Variants in GSAP observed in about 807,000 individuals in gnomAD.
GSAP encodes gamma-secretase-activating protein.
A neutral mutation model predicts 131.7 loss-of-function variants in GSAP; 118 were observed. The ratio of observed to expected loss-of-function variants is 0.90; its 90% confidence interval spans 0.77 to 1.04. The LOEUF is 1.04. Ranked by LOEUF, GSAP falls within the 50% of genes least tolerant of loss-of-function variation. The probability of loss-of-function intolerance (pLI) is 0.00; values close to 1 mark genes in which losing one functional copy is unlikely to be tolerated. For missense variants in GSAP, 1,019 were observed against 1,013.2 expected, an observed-to-expected ratio of 1.01 and a Z score of -0.08; for synonymous variants, 381 against 363.4, an observed-to-expected ratio of 1.05 and a Z score of -0.55.
At chr7:77,388,536 T>C (rs546835952) in intron 5 of GSAP, among the ~76,000 whole-genome samples, 82 of 152,242 alleles carry the variant, frequency 5.4e-4, no homozygotes, top group African/African-American at 1.9e-3. Context: ...ACCAAAGATA[T>C]CTAAATTTAG....
chr7:77,409,563 T>C (rs932565158), intron 1 of GSAP, among the ~76,000 whole-genome samples: 2 of 152,196 alleles, frequency 1.3e-5, no homozygotes, highest in Non-Finnish European at 2.9e-5. Context: ...TACTCAAAAG[T>C]CCTTTGAAAG....
At chr7:77,391,841 A>C (rs1799599432) in intron 5 of GSAP, among the ~76,000 whole-genome samples, 1 of 152,156 alleles carries the variant, frequency 6.6e-6, no homozygotes. Flanking sequence ...TCTCAAAAAT[A>C]ATCAGAATAA....
chr7:77,377,837 C>T (rs1192181004), intron 8 of GSAP, among the ~76,000 whole-genome samples: 1 of 152,220 alleles, frequency 6.6e-6, no homozygotes, highest in Non-Finnish European at 1.5e-5. Flanking sequence ...TAGGCAATGA[C>T]CCCAATTTGG....
intron 10 of GSAP, among the ~76,000 whole-genome samples, chr7:77,375,398 A>G (rs943044162): frequency 6.6e-6 from 1 of 152,374 alleles, no homozygotes. Flanking sequence ...CAATAGGCCA[A>G]TTGGAAGCAA....
chr7:77,332,943 C>A (rs1416657963), intron 19 of GSAP, among the ~76,000 whole-genome samples: 2 of 152,066 alleles, frequency 1.3e-5, no homozygotes, highest in Admixed American at 1.3e-4. Flanking sequence ...CAGAGGCAGG[C>A]GGATCACAAG....
At chr7:77,372,829 C>T (rs1796338187) in intron 12 of GSAP, among the ~76,000 whole-genome samples, 1 of 152,216 alleles carries the variant, frequency 6.6e-6, no homozygotes, top group African/African-American at 2.4e-5. Flanking sequence ...TAGCCTGGCC[C>T]CTGCCTGCCT....
At chr7:77,414,156 A>G (rs1210757836) in intron 1 of GSAP, among the ~76,000 whole-genome samples, 1 of 152,246 alleles carries the variant, frequency 6.6e-6, no homozygotes, top group Non-Finnish European at 1.5e-5. Context: ...GAAAACTTCA[A>G]TTGTATTTGT....
In GSAP at chr7:77,330,292, G is replaced by C; in HGVS notation, c.1621C>G (p.His541Asp). ...EYVKYAKPHF[H>D]YNNSVVRREW... Reference sequence around the variant, plus strand: ...CTCCTGACCACACTGTTGTTATAGTGGAAGTGTGGCTTGGCGTACTTAACA... The same window carrying C: ...CTCCTGACCACACTGTTGTTATAGTCGAAGTGTGGCTTGGCGTACTTAACA... The change falls in exon 20 of 31, where the codon CAC (histidine) becomes GAC (aspartate). Residue 541 changes from histidine (H) to aspartate (D), a missense_variant. By Grantham distance (81) the His-to-Asp change is moderately conservative (BLOSUM62 -1). Coordinates refer to ENST00000257626, the MANE Select transcript of GSAP (RefSeq NM_017439.4). The C allele has an allele frequency of 6.2e-7, 1 of 1,613,738 alleles. No individual in the cohort carries two copies. Among genetic ancestry groups the C allele is most frequent in the Non-Finnish European group, 8.5e-7 (1 of 1,179,690 alleles).
Position 77,375,005 on chromosome 7 carries a change from C to A in GSAP, c.785+53G>T. 3.6e-6 allele frequency: 3 copies of A among 822,600 alleles called. No homozygotes were observed. The South Asian group carries it at 4.5e-5, about 12-fold the overall frequency. The allele number at this position is 822,600 out of a possible 1,614,324, so 51.0% of individuals were successfully genotyped here. A position where few individuals can be genotyped will look rare whatever the true frequency, so the allele number is the denominator to read the frequency against. On this transcript the variant is annotated intron_variant, in intron 11 of 30. Transcript: ENST00000257626. The stretch of plus-strand genomic sequence containing the variant: ...AATATAATGTACGAATAAATATAAT[C>A]ATTTTGCCCACAAGTATCTATAAAA...
intron 1 of GSAP, among the ~76,000 whole-genome samples, chr7:77,412,003 ACT>A (rs1042900125): frequency 1.3e-5 from 2 of 152,146 alleles, no homozygotes; most frequent in African/African-American, 2.4e-5. Flanking sequence ...ATATGGTGAA[ACT>A]CTGTCTCTAC....
chr7:77,388,392 T>C (rs1054003104), intron 5 of GSAP, among the ~76,000 whole-genome samples: 1 of 152,254 alleles, frequency 6.6e-6, no homozygotes, highest in Non-Finnish European at 1.5e-5. Flanking sequence ...GGACACAGGC[T>C]GGGTTTCCCT....
chr7:77,321,706 G>A (rs1787668675), intron 24 of GSAP, among the ~76,000 whole-genome samples: 1 of 152,182 alleles, frequency 6.6e-6, no homozygotes, highest in Non-Finnish European at 1.5e-5. Flanking sequence ...CATCAGTGAA[G>A]GTAAAGTGCT....
intron 22 of GSAP, chr7:77,326,524 T>C (rs778857441): frequency 2.7e-6 from 1 of 373,130 alleles, no homozygotes; most frequent in Non-Finnish European, 4.8e-6. Flanking sequence ...GCTTTGATTT[T>C]TGTTCAACAC....
intron 26 of GSAP, among the ~76,000 whole-genome samples, chr7:77,317,116 T>TC (rs150078266): frequency 0.081 from 12,209 of 151,222 alleles, 717 homozygotes; most frequent in Non-Finnish European, 0.11. Context: ...CAGTGTCACC[T>TC]CCCCCCTCTA....
intron 20 of GSAP, 96 bp downstream of exon 20, chr7:77,330,143 C>A: frequency 7.1e-7 from 1 of 1,403,322 alleles, no homozygotes. Flanking sequence ...GGGAAGAGTG[C>A]TGCACATGGA....
At chr7:77,341,369 A>G (rs969736530) in intron 19 of GSAP, among the ~76,000 whole-genome samples, 3 of 151,864 alleles carry the variant, frequency 2.0e-5, no homozygotes, top group African/African-American at 4.8e-5. Context: ...CCAGGTCCCA[A>G]TTCTTCTTCA....
chr7:77,398,432 ATC>A (rs1800790101), intron 3 of GSAP, among the ~76,000 whole-genome samples: 1 of 152,326 alleles, frequency 6.6e-6, no homozygotes, highest in African/African-American at 2.4e-5. Context: ...ACTAAGAAGA[ATC>A]TAATTCTAAA....
rs886760904 is a variant in GSAP at position 77,310,808 on chromosome 7, T to TAAA, written c.*547_*549dup. ...TATTCCTAAATCAACCTTTTATAAA[T>TAAA]AAAAAAAAATAAATATGTTTCATCT... is the stretch of plus-strand genomic sequence containing the variant. On this transcript the variant is annotated 3_prime_UTR_variant, in exon 31 of 31. Coordinates refer to ENST00000257626, the MANE Select transcript of GSAP (RefSeq NM_017439.4). The TAAA allele has an allele frequency of 1.1e-4, 17 of 150,448 alleles. No homozygotes were observed. The East Asian group carries it at 1.6e-3, about 14-fold the overall frequency. The allele number at this position is 150,448 out of a possible 1,614,324, so 9.3% of individuals were successfully genotyped here. A position where few individuals can be genotyped will look rare whatever the true frequency, so the allele number is the denominator to read the frequency against.
intron 19 of GSAP, among the ~76,000 whole-genome samples, chr7:77,338,066 A>G (rs1252634069): frequency 4.6e-5 from 7 of 152,106 alleles, no homozygotes; most frequent in Non-Finnish European, 1.5e-5. Flanking sequence ...TTGGGAGTCT[A>G]AGGTGGGAGG....
Sources: gnomAD v4.1 joint callset for allele counts (sites outside exome capture counted in the v4.1 genomes callset) on GRCh38, gnomAD v4.1.1 for gene constraint, MANE v1.5 for transcripts, NCBI Gene and HGNC (gene_info 2026-07-23, HGNC 2026-07-21) for gene names.